KCNA2: variants seen among roughly 807,000 people sequenced by gnomAD.
KCNA2 encodes the protein potassium voltage-gated channel subfamily A member 2, also known as potassium channel, voltage gated shaker related subfamily A, member 2.
Under a neutral mutation model 33.4 loss-of-function variants are expected in KCNA2, and 11 were observed. That is an observed-to-expected ratio of 0.33 (90% CI 0.21 to 0.55). The LOEUF is 0.55. Among genes scored for constraint, KCNA2 ranks in the 20% least tolerant of loss-of-function variants. The probability of loss-of-function intolerance (pLI) is 0.93; values close to 1 mark genes in which losing one functional copy is unlikely to be tolerated. For synonymous variants in KCNA2, 222 were observed against 231.3 expected (o/e 0.96, Z 0.37); for missense variants, 291 against 621.6 (o/e 0.47, Z 5.66).
chr1:110,596,224 T>C lies in KCNA2; in HGVS notation c.*7059A>G, dbSNP rs1042191864. On this transcript the variant is annotated 3_prime_UTR_variant, in exon 3 of 3. Transcript: ENST00000316361. ...AAGGAGGTCATTCAAAAAATGCACA[T>C]AAATGCAGTTTATTCCTTGGATTGC... is the stretch of plus-strand genomic sequence containing the variant. 1.0e-6 allele frequency: 1 copy of C among 985,034 alleles called. No homozygotes were observed. Among genetic ancestry groups the C allele is most frequent in the African/African-American group, 1.7e-5 (1 of 57,208 alleles). 61.0% of individuals were successfully genotyped at this position (985,034 alleles called of 1,614,324 possible).
At chr1:110,621,509 T>G (rs1424926564) in intron 1 of KCNA2, among the ~76,000 whole-genome samples, 1 of 151,970 alleles carries the variant, frequency 6.6e-6, no homozygotes, top group East Asian at 1.9e-4. Context: ...AAGATTAGAA[T>G]GGAAATTGAT....
chr1:110,602,051 T>C lies in KCNA2; in HGVS notation c.*1232A>G, dbSNP rs1649377986. The C allele has an allele frequency of 6.5e-7, 1 of 1,549,804 alleles. No homozygotes were observed. The highest frequency in any genetic ancestry group is 2.4e-5 in the East Asian group (1 of 40,908). Reference sequence around the variant, plus strand: ...AGACCTGCCTGTCATCAGGACCAGATGCCCTGGTCCACTGTACAGTCATGC... The same window carrying C: ...AGACCTGCCTGTCATCAGGACCAGACGCCCTGGTCCACTGTACAGTCATGC... On this transcript the variant is annotated 3_prime_UTR_variant, in exon 3 of 3. Coordinates refer to ENST00000316361, the MANE Select transcript of KCNA2 (RefSeq NM_004974.4).
intron 1 of KCNA2, among the ~76,000 whole-genome samples, chr1:110,618,468 G>C (rs942757882): frequency 1.8e-4 from 28 of 152,162 alleles, no homozygotes; most frequent in African/African-American, 6.5e-4. Flanking sequence ...CCTTCCCTCA[G>C]TTCTTTCCCT....
In KCNA2 at chr1:110,598,225, A is replaced by G. The variant is rs1649186536; in HGVS notation, c.*5058T>C. ...CGCAGATGAGGCGGCCATCACCCAC[A>G]TACAAGTTATTATGACAATGGGCCC... On this transcript the variant is annotated 3_prime_UTR_variant, in exon 3 of 3. Transcript: ENST00000316361. 1.9e-6 allele frequency: 1 copy of G among 523,678 alleles called. No individual in the cohort carries two copies. The highest frequency in any genetic ancestry group is 2.4e-6 in the Non-Finnish European group (1 of 408,252). The allele number at this position is 523,678 out of a possible 1,614,324, so 32.4% of individuals were successfully genotyped here. A position where few individuals can be genotyped will look rare whatever the true frequency, so the allele number is the denominator to read the frequency against.
chr1:110,600,014 T>C lies in KCNA2; in HGVS notation c.*3269A>G. 1 of 985,180 alleles carries C rather than the reference T, an allele frequency of 1.0e-6. No individual in the cohort carries two copies. Among genetic ancestry groups the C allele is most frequent in the Non-Finnish European group, 1.2e-6 (1 of 829,880 alleles). 61.0% of individuals were successfully genotyped at this position (985,180 alleles called of 1,614,324 possible). A position where few individuals can be genotyped will look rare whatever the true frequency, so the allele number is the denominator to read the frequency against. On this transcript the variant is annotated 3_prime_UTR_variant, in exon 3 of 3. Transcript: ENST00000316361. ...GTGGCCCATCCTCCTGCTTGAAACCTAGGAGTTACTTCTCAGGAGTGAAAT... is the reference window on the plus strand; with the variant it reads ...GTGGCCCATCCTCCTGCTTGAAACCCAGGAGTTACTTCTCAGGAGTGAAAT...
Position 110,598,271 on chromosome 1 carries a change from G to C in KCNA2, c.*5012C>G. On this transcript the variant is annotated 3_prime_UTR_variant, in exon 3 of 3. Coordinates refer to ENST00000316361, the MANE Select transcript of KCNA2 (RefSeq NM_004974.4). ...GGCCCCAGGAAAGCTCTGGGGAGCA[G>C]AGCTCAGCACCATCATCCCCTCTCT... 1 of 699,178 alleles carries C rather than the reference G, an allele frequency of 1.4e-6. No homozygotes were observed. The highest frequency in any genetic ancestry group is 1.3e-4 in the East Asian group (1 of 7,478). The allele number at this position is 699,178 out of a possible 1,614,324, so 43.3% of individuals were successfully genotyped here. A position where few individuals can be genotyped will look rare whatever the true frequency, so the allele number is the denominator to read the frequency against.
In KCNA2 at chr1:110,598,059, C is replaced by T. The variant is rs1015986411; in HGVS notation, c.*5224G>A. ...AGCTACTGAGAGAGCTCCCAGCATC[C>T]CCCTCTCTGCGCGTTGGCTCAGGTG... On this transcript the variant is annotated 3_prime_UTR_variant, in exon 3 of 3. Transcript: ENST00000316361. The T allele has an allele frequency of 1.0e-6, 1 of 985,240 alleles. No individual in the cohort carries two copies. Among genetic ancestry groups the T allele is most frequent in the Non-Finnish European group, 1.2e-6 (1 of 829,944 alleles). The allele number at this position is 985,240 out of a possible 1,614,324, so 61.0% of individuals were successfully genotyped here.
Position 110,598,681 on chromosome 1 carries a change from C to T in KCNA2, c.*4602G>A. The T allele has an allele frequency of 1.0e-6, 1 of 985,232 alleles. No individual in the cohort carries two copies. The allele number at this position is 985,232 out of a possible 1,614,324, so 61.0% of individuals were successfully genotyped here. A position where few individuals can be genotyped will look rare whatever the true frequency, so the allele number is the denominator to read the frequency against. On this transcript the variant is annotated 3_prime_UTR_variant, in exon 3 of 3. Transcript: ENST00000316361. Reference sequence around the variant, plus strand: ...ATCTAGAGGCACACTCCCGTGGGGCCCCTTTTAAAAGGCTAACCTCATGGT... The same window carrying T: ...ATCTAGAGGCACACTCCCGTGGGGCTCCTTTTAAAAGGCTAACCTCATGGT...
rs1649357094 is a variant in KCNA2, at chr1:110,601,788, ATATATATGTGTGTGTGTGTG to A, written c.*1475_*1494del. ...AACTCCAGAAAATGAATATATATATATATATATGTGTGTGTGTGTGTGTGTGTGTGTGTGTGTGTGTATAC... is the reference window on the plus strand; with the variant it reads ...AACTCCAGAAAATGAATATATATATATGTGTGTGTGTGTGTGTGTGTATAC... On this transcript the variant is annotated 3_prime_UTR_variant, in exon 3 of 3. Coordinates refer to ENST00000316361, the MANE Select transcript of KCNA2 (RefSeq NM_004974.4). The A allele has an allele frequency of 1.7e-6, 2 of 1,180,386 alleles. No homozygotes were observed. Among genetic ancestry groups the A allele is most frequent in the Admixed American group, 8.8e-5 (2 of 22,614 alleles). 73.1% of individuals were successfully genotyped at this position (1,180,386 alleles called of 1,614,324 possible).
At position 110,595,951 on chromosome 1, in the gene KCNA2, C is replaced by T. The variant is rs190646996; in HGVS notation, c.*7332G>A. 1.0e-6 allele frequency: 1 copy of T among 985,378 alleles called. No homozygotes were observed. Among genetic ancestry groups the T allele is most frequent in the East Asian group, 1.1e-4 (1 of 8,818 alleles). The allele number at this position is 985,378 out of a possible 1,614,324, so 61.0% of individuals were successfully genotyped here. On this transcript the variant is annotated 3_prime_UTR_variant, in exon 3 of 3. Transcript: ENST00000316361. ...TCAAGCTTTCCACTCCCCTCGAGTA[C>T]AAAGTTTGGAATAACTTTTCTGATC...
intron 1 of KCNA2, among the ~76,000 whole-genome samples, chr1:110,623,259 A>G (rs1650305163): frequency 6.6e-6 from 1 of 152,254 alleles, no homozygotes; most frequent in Non-Finnish European, 1.5e-5. Flanking sequence ...TATATGCAAC[A>G]TGAACACATG....
In KCNA2 at chr1:110,596,651, C is replaced by G. The variant is rs1372065809; in HGVS notation, c.*6632G>C. On this transcript the variant is annotated 3_prime_UTR_variant, in exon 3 of 3. Coordinates refer to ENST00000316361, the MANE Select transcript of KCNA2 (RefSeq NM_004974.4). ...GCAAGGTCCCTGTTATCTTCAAACACTCTACTTAACTAAGGCAGGAAAGTT... is the reference window on the plus strand; with the variant it reads ...GCAAGGTCCCTGTTATCTTCAAACAGTCTACTTAACTAAGGCAGGAAAGTT... 1 of 802,918 alleles carries G rather than the reference C, an allele frequency of 1.2e-6. No homozygotes were observed. The highest frequency in any genetic ancestry group is 1.5e-6 in the Non-Finnish European group (1 of 663,514). 49.7% of individuals were successfully genotyped at this position (802,918 alleles called of 1,614,324 possible). A position where few individuals can be genotyped will look rare whatever the true frequency, so the allele number is the denominator to read the frequency against.
Position 110,600,925 on chromosome 1 carries a change from G to T in KCNA2, c.*2358C>A. The T allele has an allele frequency of 2.0e-6, 2 of 985,496 alleles. No homozygotes were observed. Among genetic ancestry groups the T allele is most frequent in the Non-Finnish European group, 2.4e-6 (2 of 829,984 alleles). 61.0% of individuals were successfully genotyped at this position (985,496 alleles called of 1,614,324 possible). Reference sequence around the variant, plus strand: ...CTGTAGGTGCTAACTAGGCAGCAGTGAGGCCTGGGCTGGAGCCACCCCTGC... The same window carrying T: ...CTGTAGGTGCTAACTAGGCAGCAGTTAGGCCTGGGCTGGAGCCACCCCTGC... On this transcript the variant is annotated 3_prime_UTR_variant, in exon 3 of 3. Coordinates refer to ENST00000316361, the MANE Select transcript of KCNA2 (RefSeq NM_004974.4).
In KCNA2 at chr1:110,603,031, A is replaced by G. The variant is rs565854362; in HGVS notation, c.*252T>C. 35 of 1,361,440 alleles carry G rather than the reference A, an allele frequency of 2.6e-5. No individual in the cohort carries two copies. Among genetic ancestry groups the G allele is most frequent in the Non-Finnish European group, 3.8e-6 (4 of 1,060,880 alleles). 84.3% of individuals were successfully genotyped at this position (1,361,440 alleles called of 1,614,324 possible). Reference sequence around the variant, plus strand: ...GATATGAGGTGGCCTCAACGTGTCTATCTGAAATCCTAGCTTGATAGGTGA... The same window carrying G: ...GATATGAGGTGGCCTCAACGTGTCTGTCTGAAATCCTAGCTTGATAGGTGA... On this transcript the variant is annotated 3_prime_UTR_variant, in exon 3 of 3. Transcript: ENST00000316361. This position sits in a 1 kb window ranked among gnomAD's most constrained non-coding sequence, Gnocchi z 5.7.
At position 110,599,253 on chromosome 1, in the gene KCNA2, C is replaced by T. The variant is rs1412744532; in HGVS notation, c.*4030G>A. On this transcript the variant is annotated 3_prime_UTR_variant, in exon 3 of 3. Coordinates refer to ENST00000316361, the MANE Select transcript of KCNA2 (RefSeq NM_004974.4). Reference sequence around the variant, plus strand: ...TGCACTCAGCTCTCAGCTAGTCCTACTTAGGGGAAGAACCAGCTCCAAGAG... The same window carrying T: ...TGCACTCAGCTCTCAGCTAGTCCTATTTAGGGGAAGAACCAGCTCCAAGAG... 1.0e-6 allele frequency: 1 copy of T among 985,068 alleles called. No homozygotes were observed. The highest frequency in any genetic ancestry group is 1.7e-5 in the African/African-American group (1 of 57,224). The allele number at this position is 985,068 out of a possible 1,614,324, so 61.0% of individuals were successfully genotyped here.
chr1:110,594,291 CTCTATA>C lies in KCNA2; in HGVS notation c.*8986_*8991del. On this transcript the variant is annotated 3_prime_UTR_variant, in exon 3 of 3. Transcript: ENST00000316361. ...GCGGCCATTTCCTCTCTCTCTCTCT[CTCTATA>C]TATATATATACATATATATATATAT... The C allele has an allele frequency of 1.1e-6, 1 of 907,446 alleles. No homozygotes were observed. Among genetic ancestry groups the C allele is most frequent in the Non-Finnish European group, 1.3e-6 (1 of 769,036 alleles). 56.2% of individuals were successfully genotyped at this position (907,446 alleles called of 1,614,324 possible).
chr1:110,596,839 G>C lies in KCNA2; in HGVS notation c.*6444C>G, dbSNP rs1392781468. 1 of 985,424 alleles carries C rather than the reference G, an allele frequency of 1.0e-6. No individual in the cohort carries two copies. The highest frequency in any genetic ancestry group is 1.2e-6 in the Non-Finnish European group (1 of 829,932). The allele number at this position is 985,424 out of a possible 1,614,324, so 61.0% of individuals were successfully genotyped here. A position where few individuals can be genotyped will look rare whatever the true frequency, so the allele number is the denominator to read the frequency against. The stretch of plus-strand genomic sequence containing the variant: ...AGGTTTTGCTGTACATATGTGTATA[G>C]AGCAAGGTAGATCAAAAAAGGATGG... On this transcript the variant is annotated 3_prime_UTR_variant, in exon 3 of 3. Transcript: ENST00000316361.
intron 1 of KCNA2, among the ~76,000 whole-genome samples, chr1:110,618,270 C>T (rs1486727555): frequency 6.6e-6 from 1 of 152,200 alleles, no homozygotes; most frequent in African/African-American, 2.4e-5. Flanking sequence ...TCACTTGAGT[C>T]CAAGAGTTCG....
At chr1:110,609,035 C>T (rs1649778009), upstream of KCNA2, among the ~76,000 whole-genome samples, 2 of 152,130 alleles carry the variant, frequency 1.3e-5, no homozygotes, top group African/African-American at 4.8e-5. Context: ...GATTGCCCCG[C>T]CCTTTACTTT....
Sources: allele counts gnomAD v4.1 joint callset (sites outside exome capture counted in the v4.1 genomes callset), GRCh38; gene constraint gnomAD v4.1.1; non-coding constraint Gnocchi (gnomAD v3.1); transcripts MANE v1.5; gene names NCBI Gene and HGNC (gene_info 2026-07-23, HGNC 2026-07-21).